Variants in FRMPD2 observed in about 807,000 individuals in gnomAD.
FRMPD2 encodes FERM and PDZ domain-containing protein 2.
Under a neutral mutation model 140.1 loss-of-function variants are expected in FRMPD2, and 96 were observed. The observed-to-expected ratio is 0.69, with a 90% CI of 0.58 to 0.81. The LOEUF (loss-of-function observed/expected upper bound fraction) is 0.81. FRMPD2 is among the 40% of genes least tolerant of loss of function. The pLI, the probability that FRMPD2 is intolerant of heterozygous loss-of-function variation, is 0.00. For synonymous variants in FRMPD2, 449 were observed against 547.6 expected (o/e 0.82, Z 2.52); for missense variants, 1,240 against 1,447.4 (o/e 0.86, Z 2.32).
intron 24 of FRMPD2, among the ~76,000 whole-genome samples, chr10:48,173,442 GCTCTCCCCCAT>G (rs1838320121): frequency 6.6e-6 from 1 of 150,904 alleles, no homozygotes; most frequent in African/African-American, 2.4e-5. Flanking sequence ...GAGTGGTCCA[GCTCTCCCCCAT>G]CTGGTTTCTA....
chr10:48,186,437 C>T (rs535545637), intron 17 of FRMPD2, among the ~76,000 whole-genome samples: 236 of 152,294 alleles, frequency 1.5e-3, no homozygotes, highest in African/African-American at 5.5e-3. Flanking sequence ...GGGAGGGACC[C>T]AGGGGGAAGT....
At chr10:48,206,673 C>CCACT (rs1839205693) in intron 14 of FRMPD2, 75 bp downstream of exon 14, 4 of 1,215,684 alleles carry the variant, frequency 3.3e-6, no homozygotes, top group Non-Finnish European at 4.8e-6. Context: ...GACCCATGAC[C>CCACT]CACTGCTCCT....
At position 48,184,812 on chromosome 10, in the gene FRMPD2, G is replaced by A. The variant is rs1402060818; in HGVS notation, c.2429C>T (p.Pro810Leu). 1.9e-6 allele frequency: 3 copies of A among 1,613,870 alleles called. No homozygotes were observed. The highest frequency in any genetic ancestry group is 2.5e-6 in the Non-Finnish European group (3 of 1,179,900). The change falls in exon 19 of 29, where the codon CCT becomes CTT. Residue 810 changes from proline (P) to leucine (L), a missense_variant. Physicochemically the swap from Pro to Leu is moderately conservative, Grantham distance 98. This residue lies in a region of FRMPD2 where 1,161 missense variants were observed against 1,055.9 expected (regional missense o/e 1.10). Transcript: ENST00000374201. ...TTTTGCTTTTTCTGCTGGTCCTCCA[G>A]GTATAATAGAAGATATAAAAATGCC... ...DPGIFISSIIPGGPAEKAKTI... is the reference protein window; with the variant it reads ...DPGIFISSIILGGPAEKAKTI...
chr10:48,219,347 T>C (rs1839527756), intron 12 of FRMPD2, among the ~76,000 whole-genome samples: 1 of 151,994 alleles, frequency 6.6e-6, no homozygotes, highest in Non-Finnish European at 1.5e-5. Flanking sequence ...CACATGACAG[T>C]GGTGAGTGCT....
intron 3 of FRMPD2, 186 bp downstream of exon 3, chr10:48,248,835 C>T (rs1243242657): frequency 2.2e-6 from 1 of 462,914 alleles, no homozygotes; most frequent in Admixed American, 3.8e-5. Flanking sequence ...AGTGGACTTG[C>T]CCTTGTCCAT....
chr10:48,217,429 G>A (rs61840495), intron 12 of FRMPD2, among the ~76,000 whole-genome samples: 5,281 of 152,272 alleles, frequency 0.035, 118 homozygotes, highest in Non-Finnish European at 0.043. Context: ...ACACAGCAGC[G>A]CCTTCTGAAG....
intron 4 of FRMPD2, among the ~76,000 whole-genome samples, chr10:48,243,885 C>T (rs1263533906): frequency 6.6e-6 from 1 of 152,150 alleles, no homozygotes; most frequent in African/African-American, 2.4e-5. Context: ...TCTTGTGGCA[C>T]CAGTCTCTAA....
intron 28 of FRMPD2, among the ~76,000 whole-genome samples, chr10:48,159,695 G>C (rs1318097380): frequency 6.6e-6 from 1 of 151,590 alleles, no homozygotes; most frequent in East Asian, 1.9e-4. Context: ...TTAAATAAAT[G>C]ACCATCAAGA....
Position 48,232,096 on chromosome 10 carries a change from C to A in FRMPD2, c.1168+19G>T. 6.2e-7 allele frequency: 1 copy of A among 1,613,718 alleles called. No individual in the cohort carries two copies. The highest frequency in any genetic ancestry group is 1.3e-5 in the African/African-American group (1 of 75,046). On this transcript the variant is annotated intron_variant, in intron 10 of 28. Transcript: ENST00000374201. ...CCAGAGGCACCAGGCCAGCTGTGAG[C>A]TGCCCAAGAGATGCTTACTTTTCAT...
At chr10:48,203,400 G>A (rs17010723) in intron 14 of FRMPD2, among the ~76,000 whole-genome samples, 88 of 152,054 alleles carry the variant, frequency 5.8e-4, no homozygotes, top group Non-Finnish European at 1.1e-3. Flanking sequence ...CTGTGTATAC[G>A]ATGATGTATA....
At chr10:48,236,426 A>AACTGCCC in intron 9 of FRMPD2, 56 bp downstream of exon 9, 1 of 1,506,686 alleles carries the variant, frequency 6.6e-7, no homozygotes, top group Non-Finnish European at 9.2e-7. Context: ...GGCCTCCCGC[A>AACTGCCC]ACTGCCCACT....
intron 16 of FRMPD2, among the ~76,000 whole-genome samples, chr10:48,188,910 C>G (rs1025545863): frequency 5.3e-5 from 8 of 152,146 alleles, no homozygotes; most frequent in African/African-American, 1.9e-4. Flanking sequence ...CCAGGAGGAG[C>G]ACGGCAGCGG....
chr10:48,188,928 C>G (rs1049597294), intron 16 of FRMPD2, among the ~76,000 whole-genome samples: 3 of 152,118 alleles, frequency 2.0e-5, no homozygotes, highest in Admixed American at 6.5e-5. Flanking sequence ...CGGCCAGGGG[C>G]TAGGTGGGTG....
chr10:48,188,452 T>C (rs553085086), intron 16 of FRMPD2, among the ~76,000 whole-genome samples: 23 of 152,322 alleles, frequency 1.5e-4, no homozygotes, highest in Admixed American at 1.0e-3. Context: ...TGTGCTTGCC[T>C]TGCAGCACGA....
intron 1 of FRMPD2, among the ~76,000 whole-genome samples, chr10:48,256,828 G>A (rs952831694): frequency 9.2e-5 from 14 of 152,066 alleles, no homozygotes; most frequent in African/African-American, 2.4e-4. Flanking sequence ...TCACCTCCTC[G>A]GCATTCTTTC....
At chr10:48,214,637 C>A (rs1050999356) in intron 12 of FRMPD2, among the ~76,000 whole-genome samples, 3 of 152,170 alleles carry the variant, frequency 2.0e-5, no homozygotes, top group Non-Finnish European at 4.4e-5. Flanking sequence ...TGTTTAGGAT[C>A]TTTGATCCAG....
At chr10:48,260,172 T>A (rs891599346) in intron 1 of FRMPD2, among the ~76,000 whole-genome samples, 1 of 151,952 alleles carries the variant, frequency 6.6e-6, no homozygotes, top group African/African-American at 2.4e-5. Flanking sequence ...GATAGATAGA[T>A]AGATCTATAT....
intron 21 of FRMPD2, 94 bp from the exon 22 acceptor site, chr10:48,178,245 T>C: frequency 1.1e-6 from 1 of 873,958 alleles, no homozygotes. Flanking sequence ...GCATTGCACC[T>C]CAGAAAGATC....
intron 12 of FRMPD2, 105 bp downstream of exon 12, chr10:48,222,208 G>T (rs1839612204): frequency 8.6e-7 from 1 of 1,158,608 alleles, no homozygotes; most frequent in Non-Finnish European, 1.2e-6. Flanking sequence ...GCTGGTAGAT[G>T]CTAACAATAC....
Sources: gnomAD v4.1 joint callset for allele counts (sites outside exome capture counted in the v4.1 genomes callset) on GRCh38, gnomAD v4.1.1 for gene constraint, gnomAD v4.1.1 regional missense constraint, MANE v1.5 for transcripts, NCBI Gene and HGNC (gene_info 2026-07-23, HGNC 2026-07-21) for gene names.